Variants in PRDM11 observed in about 807,000 individuals in gnomAD.
The protein encoded by PRDM11 is PR/SET domain 11.
PRDM11 carries 20 observed loss-of-function variants against 97.8 expected under a neutral mutation model. The ratio of observed to expected loss-of-function variants is 0.20; its 90% CI spans 0.14 to 0.30. PRDM11 has a LOEUF of 0.30. Among genes scored for constraint, PRDM11 ranks in the 10% least tolerant of loss-of-function variants. The pLI, the probability that PRDM11 is intolerant of heterozygous loss-of-function variation, is 1.00. For missense variants in PRDM11, 1,139 were observed against 1,555.2 expected (o/e 0.73, Z 4.50); for synonymous variants, 599 against 637.7 (o/e 0.94, Z 0.91).
At chr11:45,221,154 A>G (rs1854110428) in intron 6 of PRDM11, among the ~76,000 whole-genome samples, 1 of 152,246 alleles carries the variant, frequency 6.6e-6, no homozygotes, top group Non-Finnish European at 1.5e-5. Context: ...TTGAGTGCAC[A>G]GCTGCTGCCT....
chr11:45,145,165 G>A (rs930465766), upstream of PRDM11, among the ~76,000 whole-genome samples: 2 of 152,284 alleles, frequency 1.3e-5, no homozygotes, highest in East Asian at 3.9e-4. Flanking sequence ...CTTACACAGA[G>A]CCAGGAACGT....
intron 4 of PRDM11, among the ~76,000 whole-genome samples, chr11:45,193,219 G>A (rs1032762933): frequency 1.3e-5 from 2 of 152,204 alleles, no homozygotes; most frequent in African/African-American, 4.8e-5. Context: ...TGCGATCACA[G>A]GAGTGTGCCA....
At chr11:45,168,381 C>T (rs1852119537) in intron 1 of PRDM11, among the ~76,000 whole-genome samples, 1 of 152,188 alleles carries the variant, frequency 6.6e-6, no homozygotes, top group African/African-American at 2.4e-5. Flanking sequence ...TCAGGTCCTA[C>T]ATCCCCAAAT....
At chr11:45,155,451 G>A (rs917686474) in intron 1 of PRDM11, among the ~76,000 whole-genome samples, 11 of 152,170 alleles carry the variant, frequency 7.2e-5, no homozygotes, top group Admixed American at 5.9e-4. Context: ...GGCGGGCTCT[G>A]GGGGTTGCCG....
intron 1 of PRDM11, among the ~76,000 whole-genome samples, chr11:45,115,667 T>C (rs1027082216): frequency 3.9e-5 from 6 of 152,068 alleles, no homozygotes; most frequent in Non-Finnish European, 8.8e-5. Context: ...TGGTGGCTCA[T>C]GCCTATAATC....
chr11:45,115,283 A>AAATGCAAAGAGGTTTTGCT (rs1330422016), intron 1 of PRDM11, among the ~76,000 whole-genome samples: 1 of 152,142 alleles, frequency 6.6e-6, no homozygotes, highest in Non-Finnish European at 1.5e-5. Context: ...GAAATATTAC[A>AAATGCAAAGAGGTTTTGCT]AATGCAAAGA....
Position 45,121,394 on chromosome 11 carries a change from A to G in PRDM11, c.96+25493A>G, listed in dbSNP as rs1400401293. Among the ~76,000 whole-genome samples the G allele has an allele frequency of 2.0e-5, 3 of 152,290 alleles. No individual in the cohort carries two copies. In the East Asian group the frequency reaches 5.8e-4, roughly 29 times the overall value. Reference sequence around the variant, plus strand: ...CTGATAAAGTAGACTTAAAGAAGTAACTTCCCCATATTAGTATGCTCCTCA... The same window carrying G: ...CTGATAAAGTAGACTTAAAGAAGTAGCTTCCCCATATTAGTATGCTCCTCA... On this transcript the variant is annotated intron_variant, in intron 1 of 6. Coordinates refer to the PRDM11 transcript ENST00000530656.
At chr11:45,148,325 T>C (rs768044360) in intron 1 of PRDM11, among the ~76,000 whole-genome samples, 2 of 152,148 alleles carry the variant, frequency 1.3e-5, no homozygotes, top group Non-Finnish European at 1.5e-5. Flanking sequence ...CATCCCTGAG[T>C]CCAACAAAAC....
chr11:45,209,987 G>A (rs1460394070), intron 5 of PRDM11, among the ~76,000 whole-genome samples: 1 of 152,164 alleles, frequency 6.6e-6, no homozygotes, highest in Non-Finnish European at 1.5e-5. Flanking sequence ...CAGCATGTAC[G>A]AGGCCCCGCA....
At chr11:45,178,137 T>C (rs1399823003) in intron 1 of PRDM11, among the ~76,000 whole-genome samples, 1 of 151,968 alleles carries the variant, frequency 6.6e-6, no homozygotes, top group Non-Finnish European at 1.5e-5. Context: ...TCATCTTCTC[T>C]TTTCTCCCTT....
intron 6 of PRDM11, among the ~76,000 whole-genome samples, chr11:45,222,196 G>A (rs1854139195): frequency 6.6e-6 from 1 of 152,128 alleles, no homozygotes; most frequent in Admixed American, 6.5e-5. Flanking sequence ...GGTTTTCTTT[G>A]TTTTTGTTTT....
intron 1 of PRDM11, among the ~76,000 whole-genome samples, chr11:45,167,759 C>CCCCACA (rs1324664528): frequency 7.0e-6 from 1 of 143,220 alleles, no homozygotes; most frequent in African/African-American, 2.6e-5. Context: ...TCATTTCACA[C>CCCCACA]CACACACACA....
chr11:45,095,298 C>T (rs1851873817), upstream of PRDM11, among the ~76,000 whole-genome samples: 1 of 152,184 alleles, frequency 6.6e-6, no homozygotes, highest in African/African-American at 2.4e-5. Flanking sequence ...CCTTGGAACC[C>T]CTCCACACCC....
rs371826047 is a variant in PRDM11 at position 45,182,021 on chromosome 11, G to A, written c.119+136G>A. On this transcript the variant is annotated intron_variant, in intron 2 of 7. Coordinates refer to ENST00000683152, the MANE Select transcript of PRDM11 (RefSeq NM_001384648.1). ...ACCCTGCTCCCGGCAGCTCCTGGGC[G>A]CAGGCTCTAGAAAAATCCAAGCAGT... is the stretch of plus-strand genomic sequence containing the variant. 1.6e-4 allele frequency: 134 copies of A among 856,314 alleles called. 2 individuals carry two copies. Among genetic ancestry groups the A allele is most frequent in the East Asian group, 1.1e-3 (43 of 37,562 alleles). The allele number at this position is 856,314 out of a possible 1,614,324, so 53.0% of individuals were successfully genotyped here.
chr11:45,173,360 G>T (rs1200617568), intron 1 of PRDM11, among the ~76,000 whole-genome samples: 1 of 152,134 alleles, frequency 6.6e-6, no homozygotes, highest in African/African-American at 2.4e-5. Context: ...GGTAGCTCAC[G>T]CCTGTAATCC....
intron 1 of PRDM11, among the ~76,000 whole-genome samples, chr11:45,115,960 AG>A (rs1412420913): frequency 6.6e-6 from 1 of 151,900 alleles, no homozygotes; most frequent in Non-Finnish European, 1.5e-5. Context: ...GAAAAAAAAA[AG>A]CTAGAGCAGT....
intron 5 of PRDM11, among the ~76,000 whole-genome samples, chr11:45,210,088 G>C (rs1379256381): frequency 6.6e-6 from 1 of 152,196 alleles, no homozygotes; most frequent in Non-Finnish European, 1.5e-5. Flanking sequence ...AGACGAGGCG[G>C]CCAAGCTGTG....
At chr11:45,141,504 T>C (rs1851403480) in intron 1 of PRDM11, among the ~76,000 whole-genome samples, 2 of 152,234 alleles carry the variant, frequency 1.3e-5, no homozygotes, top group South Asian at 2.1e-4. Flanking sequence ...AGACAACTTG[T>C]AAATTGAAAA....
chr11:45,221,507 C>G (rs950669693), intron 6 of PRDM11, among the ~76,000 whole-genome samples: 1 of 152,136 alleles, frequency 6.6e-6, no homozygotes. Flanking sequence ...TGGTCATAAC[C>G]TTCTTGCATT....
Sources: gnomAD v4.1 joint callset for allele counts (sites outside exome capture counted in the v4.1 genomes callset) on GRCh38, gnomAD v4.1.1 for gene constraint, MANE v1.5 for transcripts, NCBI Gene and HGNC (gene_info 2026-07-23, HGNC 2026-07-21) for gene names.